Variants in CR1 observed in about 807,000 individuals in gnomAD.
CR1 encodes complement C3b/C4b receptor 1 (Knops blood group).
Under a neutral mutation model 187.3 loss-of-function variants are expected in CR1, and 116 were observed. The observed-to-expected ratio is 0.62, with a 90% CI of 0.53 to 0.72. The LOEUF (loss-of-function observed/expected upper bound fraction) is 0.72, where lower values mean the gene tolerates loss of function less well. CR1 is among the 30% of genes least tolerant of loss of function. CR1 has a pLI of 0.00. For synonymous variants in CR1, 576 were observed against 747.1 expected, an observed-to-expected ratio of 0.77 and a Z score of 3.73; for missense variants, 1,731 against 2,110.7, an observed-to-expected ratio of 0.82 and a Z score of 3.52.
chr1:207,575,291 T>C (rs886907013), intron 27 of CR1, among the ~76,000 whole-genome samples: 1 of 151,680 alleles, frequency 6.6e-6, no homozygotes, highest in Admixed American at 6.6e-5. Context: ...AAAGATAGAA[T>C]TTAAGAAAAA....
At chr1:207,567,747 A>G (rs1311032725) in intron 24 of CR1, 77 bp from the exon 25 acceptor site, 4 of 1,579,292 alleles carry the variant, frequency 2.5e-6, no homozygotes, top group Non-Finnish European at 3.5e-6. Flanking sequence ...AGCAACACCA[A>G]TCATAGCACC....
At chr1:207,595,599 A>G (rs1347618968) in intron 35 of CR1, among the ~76,000 whole-genome samples, 2 of 152,080 alleles carry the variant, frequency 1.3e-5, no homozygotes, top group Non-Finnish European at 2.9e-5. Context: ...TACTCGGCCA[A>G]GCTGCCATTC....
intron 5 of CR1, among the ~76,000 whole-genome samples, chr1:207,526,271 G>C (rs578104201): frequency 1.3e-5 from 2 of 152,098 alleles, no homozygotes; most frequent in East Asian, 3.9e-4. Flanking sequence ...GATGAGCATA[G>C]ATGTATGGAC....
intron 45 of CR1, among the ~76,000 whole-genome samples, chr1:207,623,960 C>T (rs1662404712): frequency 1.7e-5 from 2 of 115,268 alleles, no homozygotes; most frequent in East Asian, 3.0e-4. Flanking sequence ...GAGTCTTGCT[C>T]TGTCACCCAG....
Position 207,523,829 on chromosome 1 carries a change from A to T in CR1, c.706A>T (p.Asn236Tyr). ...SGPAPQCIIP[N>Y]KCTPPNVENG... ...CCCCGCCCCTCAGTGCATTATACCT[A>T]ACAAATGCACGCCTCCAAATGTGGA... Residue 236 changes from asparagine to tyrosine, a missense_variant, in exon 5 of 47, where the codon AAC becomes TAC. By Grantham distance (143) the Asn-to-Tyr change is moderately radical (BLOSUM62 -2). This residue lies in a region of CR1 where 131 missense variants were observed against 196.8 expected (regional missense o/e 0.67). Coordinates refer to ENST00000367049, the MANE Select transcript of CR1 (RefSeq NM_000651.6). 6.2e-7 allele frequency: 1 copy of T among 1,611,648 alleles called. No homozygotes were observed. Among genetic ancestry groups the T allele is most frequent in the South Asian group, 1.1e-5 (1 of 90,992 alleles).
intron 33 of CR1, among the ~76,000 whole-genome samples, chr1:207,585,276 G>T (rs1346534950): frequency 6.6e-6 from 1 of 152,210 alleles, no homozygotes; most frequent in Non-Finnish European, 1.5e-5. Context: ...GGCATGCAAA[G>T]TTCAAAATTG....
chr1:207,610,743 T>C (rs562516008), intron 37 of CR1, among the ~76,000 whole-genome samples: 50 of 152,306 alleles, frequency 3.3e-4, no homozygotes, highest in Non-Finnish European at 6.5e-4. Flanking sequence ...AAAAAGTCTG[T>C]AGCTTTTTTT....
At chr1:207,587,105 A>C (rs1661133744) in intron 33 of CR1, among the ~76,000 whole-genome samples, 1 of 152,242 alleles carries the variant, frequency 6.6e-6, no homozygotes, top group Non-Finnish European at 1.5e-5. Flanking sequence ...CTCCGATAGG[A>C]GGTCAGAATG....
At chr1:207,608,662 G>A (rs1661819408) in intron 36 of CR1, among the ~76,000 whole-genome samples, 1 of 152,064 alleles carries the variant, frequency 6.6e-6, no homozygotes, top group South Asian at 2.1e-4. Context: ...AGTTTTCAAG[G>A]CATGGCACCT....
chr1:207,621,657 C>T (rs1662317146), intron 43 of CR1, among the ~76,000 whole-genome samples: 1 of 152,042 alleles, frequency 6.6e-6, no homozygotes, highest in Admixed American at 6.6e-5. Flanking sequence ...TATGTGAAAA[C>T]ACACATATAA....
chr1:207,638,833 G>T (rs1252022335), intron 46 of CR1, among the ~76,000 whole-genome samples: 2 of 152,180 alleles, frequency 1.3e-5, no homozygotes, highest in East Asian at 3.9e-4. Context: ...TCAGGCAGTG[G>T]GCCATATACC....
chr1:207,499,816 G>A (rs1659210796), intron 1 of CR1, among the ~76,000 whole-genome samples: 1 of 152,212 alleles, frequency 6.6e-6, no homozygotes. Flanking sequence ...ATGCTCAGAT[G>A]AGTGGATGTG....
intron 46 of CR1, among the ~76,000 whole-genome samples, chr1:207,639,102 C>G (rs1431927058): frequency 6.6e-6 from 1 of 152,206 alleles, no homozygotes; most frequent in Admixed American, 6.5e-5. Flanking sequence ...CAATGGTTGC[C>G]CATTTCTATC....
At chr1:207,612,075 A>C in intron 39 of CR1, 34 bp downstream of exon 39, 2 of 1,594,110 alleles carry the variant, frequency 1.3e-6, no homozygotes, top group Middle Eastern at 1.7e-4. Flanking sequence ...CCAAGGACTC[A>C]GTGTGGAGAA....
intron 35 of CR1, among the ~76,000 whole-genome samples, chr1:207,595,242 C>T (rs1661395328): frequency 6.7e-6 from 1 of 150,180 alleles, no homozygotes. Flanking sequence ...TACACACAAA[C>T]ACACTACACA....
Position 207,621,966 on chromosome 1 carries a change from CT to C in CR1, c.7253-3del, listed in dbSNP as rs1355138960. ...GTGATGTTTTGTGACTTTTGTCTTC[CT>C]TTTAGGTACACATGATGCTCTCATA... On this transcript the variant is annotated splice_region_variant and splice_polypyrimidine_tract_variant and intron_variant, in intron 43 of 46. Transcript: ENST00000367049. 2 of 1,595,586 alleles carry C rather than the reference CT, an allele frequency of 1.3e-6. No homozygotes were observed. The highest frequency in any genetic ancestry group is 4.5e-5 in the East Asian group (2 of 44,488).
chr1:207,620,012 G>A lies in CR1; in HGVS notation c.7199G>A (p.Ser2400Asn). 1.9e-6 allele frequency: 3 copies of A among 1,613,912 alleles called. No individual in the cohort carries two copies. The highest frequency in any genetic ancestry group is 2.5e-6 in the Non-Finnish European group (3 of 1,179,864). Residue 2400 changes from serine to asparagine, a missense_variant, in exon 43 of 47, where the codon AGC becomes AAC. Physicochemically the swap from Ser to Asn is conservative, Grantham distance 46. This residue lies in a region of CR1 where 1,312 missense variants were observed against 1,379.6 expected (regional missense o/e 0.95). Coordinates refer to ENST00000367049, the MANE Select transcript of CR1 (RefSeq NM_000651.6). Reference protein sequence around the residue: ...DGYTLEGSPWSQCQADDRWDP... With the variant: ...DGYTLEGSPWNQCQADDRWDP... ...TATACTCTGGAAGGCAGTCCCTGGA[G>A]CCAGTGCCAGGCGGATGACAGATGG...
chr1:207,577,287 T>C (rs563219622), intron 28 of CR1, among the ~76,000 whole-genome samples: 2 of 151,966 alleles, frequency 1.3e-5, no homozygotes, highest in South Asian at 4.2e-4. Flanking sequence ...ACATGGACTC[T>C]AATAATACAT....
At chr1:207,524,329 T>G (rs1558227549) in intron 5 of CR1, among the ~76,000 whole-genome samples, 1 of 152,030 alleles carries the variant, frequency 6.6e-6, no homozygotes, top group Non-Finnish European at 1.5e-5. Context: ...AGGCTACATG[T>G]GAATTTTAAT....
Sources: allele counts gnomAD v4.1 joint callset (sites outside exome capture counted in the v4.1 genomes callset), GRCh38; gene constraint gnomAD v4.1.1; regional missense constraint gnomAD v4.1.1; transcripts MANE v1.5; gene names NCBI Gene and HGNC (gene_info 2026-07-23, HGNC 2026-07-21).